LMTK3: variants seen among roughly 807,000 people sequenced by gnomAD.
LMTK3 encodes serine/threonine-protein kinase LMTK3.
In LMTK3, 27 loss-of-function variants were observed where a neutral mutation model predicts 116.7. That is an observed-to-expected ratio of 0.23 (90% CI 0.17 to 0.32). The LOEUF is 0.32. Among genes scored for constraint, LMTK3 ranks in the 10% least tolerant of loss-of-function variants. The probability of loss-of-function intolerance (pLI) is 1.00; values close to 1 mark genes in which losing one functional copy is unlikely to be tolerated. For missense variants in LMTK3, 1,764 were observed against 2,068.5 expected (o/e 0.85, Z 2.86); for synonymous variants, 965 against 971.0 (o/e 0.99, Z 0.11).
At position 48,494,019 on chromosome 19, in the gene LMTK3, G is replaced by T. The variant is rs1417085785; in HGVS notation, c.3767C>A (p.Ala1256Glu). The part of the protein sequence containing the change: ...PGPRRPPWEG[A>E]DAGAAGGEAG... ...CTCCCCGCCAGCCGCCCCGGCGTCC[G>T]CGCCCTCCCACGGGGGCCGCCGCGG... The change falls in exon 12 of 15, where the codon GCG (alanine) becomes GAG (glutamate). Residue 1256 changes from alanine (A) to glutamate (E), a missense_variant. Transcript: ENST00000600059. This position sits in a 1 kb window ranked among gnomAD's most constrained non-coding sequence, Gnocchi z 4.0. The T allele has an allele frequency of 3.5e-6, 4 of 1,134,738 alleles. No homozygotes were observed. The highest frequency in any genetic ancestry group is 4.3e-6 in the Non-Finnish European group (4 of 928,518). The allele number at this position is 1,134,738 out of a possible 1,614,324, so 70.3% of individuals were successfully genotyped here. A position where few individuals can be genotyped will look rare whatever the true frequency, so the allele number is the denominator to read the frequency against.
In LMTK3 at chr19:48,485,589, C is replaced by G. The variant is rs1221140620; in HGVS notation, c.*184G>C. The G allele has an allele frequency of 2.4e-5, 11 of 451,088 alleles. No homozygotes were observed. The highest frequency in any genetic ancestry group is 3.9e-5 in the Non-Finnish European group (11 of 279,830). 27.9% of individuals were successfully genotyped at this position (451,088 alleles called of 1,614,324 possible). ...GGGGTCAGGGGAGCCATCTGGGGGG[C>G]TGGGGGGCGGGGGCCCGGGGCCTCC... On this transcript the variant is annotated 3_prime_UTR_variant, in exon 15 of 15. Coordinates refer to ENST00000600059, the MANE Select transcript of LMTK3 (RefSeq NM_001388485.1).
In LMTK3 at chr19:48,491,468, C is replaced by T. The variant is rs1028391750; in HGVS notation, c.4164G>A (p.Ala1388=). ...EGDTDPSTPP[A]PPTPPHPATP... is the part of the protein sequence containing the mutation. ...TGGCGGGGTGGGGAGGTGTCGGGGG[C>T]GCTGGAGGCGTTGACGGGTCCGTGT... Residue 1388 remains alanine (A), a synonymous_variant, in exon 13 of 15, where the codon GCG becomes GCA. Coordinates refer to ENST00000600059, the MANE Select transcript of LMTK3 (RefSeq NM_001388485.1). This position sits in a 1 kb window ranked among gnomAD's most constrained non-coding sequence, Gnocchi z 5.1. The T allele has an allele frequency of 1.4e-6, 2 of 1,412,468 alleles. No homozygotes were observed. The highest frequency in any genetic ancestry group is 1.5e-5 in the African/African-American group (1 of 66,560). 87.5% of individuals were successfully genotyped at this position (1,412,468 alleles called of 1,614,324 possible). A position where few individuals can be genotyped will look rare whatever the true frequency, so the allele number is the denominator to read the frequency against.
intron 12 of LMTK3, among the ~76,000 whole-genome samples, chr19:48,492,531 C>T (rs896879059): frequency 2.6e-5 from 4 of 152,138 alleles, no homozygotes; most frequent in African/African-American, 9.7e-5. Context: ...AAAGACCCGT[C>T]CCAGTCGTTA....
chr19:48,498,810 G>A lies in LMTK3; in HGVS notation c.2259C>T (p.Pro753=), dbSNP rs1177898634. 20 of 1,221,838 alleles carry A rather than the reference G, an allele frequency of 1.6e-5. 2 individuals are homozygous for A. The South Asian group carries it at 3.2e-4, about 19-fold the overall frequency. 75.7% of individuals were successfully genotyped at this position (1,221,838 alleles called of 1,614,324 possible). The change falls in exon 11 of 15, where the codon CCC becomes CCT. Residue 753 remains proline (P), a synonymous_variant. Transcript: ENST00000600059. ...CCCGAGGAGGTGGCGGCGGGGGGGG[G>A]GGAGCGGGAGGTGGCCCCCGCCCGG... ...QYPGRGPPPA[P]PPPPPPPRAP...
At position 48,497,161 on chromosome 19, in the gene LMTK3, G is replaced by A. The variant is rs965848183; in HGVS notation, c.3676+232C>T. ...ACCCTATGACGTAGGTTCTATCCCT[G>A]CCATCCGTTTTTGGCAGATGGGTAA... is the stretch of plus-strand genomic sequence containing the variant. On this transcript the variant is annotated intron_variant, in intron 11 of 14. Transcript: ENST00000600059. The surrounding 1 kb of genome is among the most constrained non-coding windows in gnomAD (Gnocchi z 5.7). 2.6e-5 allele frequency among the ~76,000 whole-genome samples: 4 copies of A among 152,178 alleles called. No individual in the cohort carries two copies. Among genetic ancestry groups the A allele is most frequent in the African/African-American group, 9.7e-5 (4 of 41,436 alleles).
chr19:48,501,706 TCTGA>T, intron 7 of LMTK3, 144 bp from the exon 8 acceptor site: 1 of 829,706 alleles, frequency 1.2e-6, no homozygotes, highest in Non-Finnish European at 1.9e-6. Context: ...GTCTCTCCCC[TCTGA>T]CTGCTTTCAC....
At chr19:48,486,180 C>T (rs368364793) in intron 14 of LMTK3, among the ~76,000 whole-genome samples, 1 of 145,618 alleles carries the variant, frequency 6.9e-6, no homozygotes, top group Admixed American at 6.8e-5. Context: ...CTGCCTCAGC[C>T]TCCCAAGTAG....
At chr19:48,506,395 C>T (rs1972571540) in intron 5 of LMTK3, among the ~76,000 whole-genome samples, 1 of 152,132 alleles carries the variant, frequency 6.6e-6, no homozygotes, top group Non-Finnish European at 1.5e-5. Context: ...TCAATAAACA[C>T]AGGTGGAGAG....
rs11668437 is a variant in LMTK3, at chr19:48,507,365, G to A, written c.557+1486C>T. 6.6e-3 allele frequency among the ~76,000 whole-genome samples: 1,003 copies of A among 152,158 alleles called. 7 individuals carry two copies. Among genetic ancestry groups the A allele is most frequent in the Non-Finnish European group, 9.0e-3 (612 of 67,914 alleles). ...GGATTTGATCTCAGGTCTGTGGCTC[G>A]CCCAGCAAACGTCTACTGAGAGCCA... is the stretch of plus-strand genomic sequence containing the variant. On this transcript the variant is annotated intron_variant, in intron 5 of 14. Transcript: ENST00000600059.
chr19:48,493,914 G>T lies in LMTK3; in HGVS notation c.3872C>A (p.Ala1291Glu). 1 of 1,028,984 alleles carries T rather than the reference G, an allele frequency of 9.7e-7. No homozygotes were observed. The highest frequency in any genetic ancestry group is 1.2e-6 in the Non-Finnish European group (1 of 861,994). The allele number at this position is 1,028,984 out of a possible 1,614,324, so 63.7% of individuals were successfully genotyped here. A position where few individuals can be genotyped will look rare whatever the true frequency, so the allele number is the denominator to read the frequency against. Residue 1291 changes from alanine to glutamate, a missense_variant, in exon 12 of 15, where the codon GCG (alanine) becomes GAG (glutamate). Physicochemically the swap from Ala to Glu is moderately radical, Grantham distance 107. Around this residue, in one of 7 missense-constraint regions of LMTK3, gnomAD observed 281 missense variants for 301.4 expected, o/e 0.93. Coordinates refer to ENST00000600059, the MANE Select transcript of LMTK3 (RefSeq NM_001388485.1). Reference protein sequence around the residue: ...EDEDEEEDEEAAAPGAAAGPR... With the variant: ...EDEDEEEDEEEAAPGAAAGPR... Reference sequence around the variant, plus strand: ...CCCCGCCGCCGCGCCCGGCGCCGCCGCCTCCTCGTCCTCCTCCTCGTCCTC... The same window carrying T: ...CCCCGCCGCCGCGCCCGGCGCCGCCTCCTCCTCGTCCTCCTCCTCGTCCTC...
intron 5 of LMTK3, 85 bp from the exon 6 acceptor site, chr19:48,503,081 C>T (rs1972501970): frequency 2.6e-6 from 2 of 780,948 alleles, no homozygotes; most frequent in Non-Finnish European, 4.4e-6. Flanking sequence ...CAAACTGCTG[C>T]CTCCACCCTT....
At chr19:48,486,076 TTG>T (rs1399640503) in intron 14 of LMTK3, among the ~76,000 whole-genome samples, 5 of 127,294 alleles carry the variant, frequency 3.9e-5, no homozygotes, top group African/African-American at 1.9e-4. Flanking sequence ...TTTTTTTTTT[TTG>T]AGACGGAGTC....
In LMTK3 at chr19:48,499,087, G is replaced by A; in HGVS notation, c.1982C>T (p.Pro661Leu). ...ACAGGGTAGGGGACCCCGGCGGCTT[G>A]GGCCACCTCCAAGGCTGCTGCTGTC... ...GEDSSSLGGG[P>L]SRRGPLPCPL... The change falls in exon 11 of 15, where the codon CCA becomes CTA. Residue 661 changes from proline to leucine, a missense_variant. Pro to Leu is a moderately conservative substitution (Grantham distance 98). Coordinates refer to ENST00000600059, the MANE Select transcript of LMTK3 (RefSeq NM_001388485.1). The A allele has an allele frequency of 2.6e-6, 4 of 1,550,452 alleles. No individual in the cohort carries two copies. The highest frequency in any genetic ancestry group is 3.5e-6 in the Non-Finnish European group (4 of 1,153,208).
At chr19:48,513,261 T>A, upstream of LMTK3, 2 of 1,173,446 alleles carry the variant, frequency 1.7e-6, no homozygotes. This position sits in a 1 kb window ranked among gnomAD's most constrained non-coding sequence, Gnocchi z 5.6. Context: ...CCAGGTATCG[T>A]CCGCAGCGTT....
In LMTK3 at chr19:48,498,700, G is replaced by A. The variant is rs778064407; in HGVS notation, c.2369C>T (p.Pro790Leu). ...CTCGGTCTCGTAGCCGCTGTCCCCC[G>A]GCTTGGGGCCCGGCGACGAGAGGCC... Reference protein sequence around the residue: ...GSGLSSPGPKPGDSGYETETP... With the variant: ...GSGLSSPGPKLGDSGYETETP... The change falls in exon 11 of 15, where the codon CCG (proline) becomes CTG (leucine). Residue 790 changes from proline (P) to leucine (L), a missense_variant. This residue lies in a region of LMTK3 where 1,028 missense variants were observed against 1,050.6 expected (regional missense o/e 0.98). Coordinates refer to ENST00000600059, the MANE Select transcript of LMTK3 (RefSeq NM_001388485.1). 11 of 1,534,812 alleles carry A rather than the reference G, an allele frequency of 7.2e-6. No individual in the cohort carries two copies. In the South Asian group the frequency reaches 1.2e-4, roughly 17 times the overall value.
In LMTK3 at chr19:48,485,628, G is replaced by A; in HGVS notation, c.*145C>T. The A allele has an allele frequency of 1.1e-6, 1 of 887,358 alleles. No homozygotes were observed. The highest frequency in any genetic ancestry group is 1.8e-6 in the Non-Finnish European group (1 of 565,404). The allele number at this position is 887,358 out of a possible 1,614,324, so 55.0% of individuals were successfully genotyped here. ...CCCGGGGCCTCCCGTTTGGCACATG[G>A]TAGGGGAGTGGGAGGGGGAGGGCCC... On this transcript the variant is annotated 3_prime_UTR_variant, in exon 15 of 15. Transcript: ENST00000600059.
chr19:48,509,025 G>C lies in LMTK3; in HGVS notation c.439-56C>G. 2.5e-6 allele frequency: 3 copies of C among 1,216,806 alleles called. No individual in the cohort carries two copies. The South Asian group carries it at 4.1e-5, about 17-fold the overall frequency. The allele number at this position is 1,216,806 out of a possible 1,614,324, so 75.4% of individuals were successfully genotyped here. ...TGCCGTTTCCCCAGCCCCGTCCCCTGGGACCAGCTCCACTCCACCACACAG... is the reference window on the plus strand; with the variant it reads ...TGCCGTTTCCCCAGCCCCGTCCCCTCGGACCAGCTCCACTCCACCACACAG... On this transcript the variant is annotated intron_variant, in intron 4 of 14. Transcript: ENST00000600059.
At position 48,493,466 on chromosome 19, in the gene LMTK3, A is replaced by G. The variant is rs1345644240; in HGVS notation, c.4092+228T>C. ...TTGCCCTCCCTCCAGGCCCCGCATC[A>G]CTCCAGCTCGGCCTCCCTTCAGGCC... is the stretch of plus-strand genomic sequence containing the variant. On this transcript the variant is annotated intron_variant, in intron 12 of 14. Transcript: ENST00000600059. 5.1e-5 allele frequency among the ~76,000 whole-genome samples: 4 copies of G among 78,624 alleles called. No homozygotes were observed. The East Asian group carries it at 1.4e-3, about 28-fold the overall frequency. 51.6% of individuals were successfully genotyped at this position (78,624 alleles called of 152,430 possible).
At chr19:48,490,522 C>G (rs923801113) in intron 14 of LMTK3, among the ~76,000 whole-genome samples, 4 of 95,204 alleles carry the variant, frequency 4.2e-5, no homozygotes, top group Non-Finnish European at 7.7e-5. Flanking sequence ...GAGACTCCGT[C>G]TCAAAAAAAA....
Sources: gnomAD v4.1 joint callset for allele counts (sites outside exome capture counted in the v4.1 genomes callset) on GRCh38, gnomAD v4.1.1 for gene constraint, gnomAD v4.1.1 regional missense constraint, Gnocchi (gnomAD v3.1) non-coding constraint, MANE v1.5 for transcripts, NCBI Gene and HGNC (gene_info 2026-07-23, HGNC 2026-07-21) for gene names.